Variants in KIAA0319L observed in about 807,000 individuals in gnomAD.
The protein encoded by KIAA0319L is KIAA0319 like.
In KIAA0319L, 55 loss-of-function variants were observed where a neutral mutation model predicts 120.1. The observed-to-expected ratio is 0.46, with a 90% confidence interval of 0.37 to 0.57. The LOEUF (loss-of-function observed/expected upper bound fraction) is 0.57. Ranked by LOEUF, KIAA0319L falls within the 20% of genes least tolerant of loss-of-function variation. The probability of loss-of-function intolerance (pLI) is 0.00; values close to 1 mark genes in which losing one functional copy is unlikely to be tolerated. For synonymous variants in KIAA0319L, 398 were observed against 471.9 expected (o/e 0.84, Z 2.03); for missense variants, 1,049 against 1,255.3 (o/e 0.84, Z 2.48).
At chr1:35,517,636 T>C (rs1296303747) in intron 2 of KIAA0319L, among the ~76,000 whole-genome samples, 1 of 151,996 alleles carries the variant, frequency 6.6e-6, no homozygotes, top group East Asian at 1.9e-4. Context: ...ACCTAGGCAA[T>C]ACCATCCTAG....
intron 2 of KIAA0319L, among the ~76,000 whole-genome samples, chr1:35,537,118 A>C (rs1232206144): frequency 6.6e-6 from 1 of 152,204 alleles, no homozygotes; most frequent in Non-Finnish European, 1.5e-5. Flanking sequence ...CCTATACATA[A>C]AAGTGGTTCT....
intron 2 of KIAA0319L, among the ~76,000 whole-genome samples, chr1:35,551,616 GC>G (rs1445620760): frequency 6.6e-6 from 1 of 152,050 alleles, no homozygotes; most frequent in Admixed American, 6.6e-5. Flanking sequence ...ACCGCGCCCA[GC>G]CCTATTTATT....
At chr1:35,545,964 T>A (rs1475220123) in intron 2 of KIAA0319L, among the ~76,000 whole-genome samples, 1 of 151,942 alleles carries the variant, frequency 6.6e-6, no homozygotes, top group Non-Finnish European at 1.5e-5. Context: ...TTCATGGTTA[T>A]AGGGAATAAA....
chr1:35,481,834 T>C (rs1455929070), intron 3 of KIAA0319L, among the ~76,000 whole-genome samples: 1 of 138,134 alleles, frequency 7.2e-6, no homozygotes, highest in African/African-American at 2.7e-5. Flanking sequence ...TTTTTTTTTT[T>C]TTTTTTTTGA....
chr1:35,551,149 A>G (rs1025867791), intron 2 of KIAA0319L, among the ~76,000 whole-genome samples: 1 of 152,160 alleles, frequency 6.6e-6, no homozygotes, highest in Non-Finnish European at 1.5e-5. Context: ...GGACAACCAC[A>G]TCACCCCTTG....
At chr1:35,536,601 C>T (rs187305140) in intron 2 of KIAA0319L, among the ~76,000 whole-genome samples, 71 of 152,358 alleles carry the variant, frequency 4.7e-4, no homozygotes, top group African/African-American at 1.6e-3. Context: ...GGAAACCACT[C>T]TATCACAATT....
intron 3 of KIAA0319L, among the ~76,000 whole-genome samples, chr1:35,499,201 C>G (rs1452418840): frequency 1.3e-5 from 2 of 152,340 alleles, no homozygotes; most frequent in Non-Finnish European, 2.9e-5. Context: ...AAATCCCCAT[C>G]AACTCTTGCT....
At chr1:35,556,431 G>C (rs1395004401) in intron 1 of KIAA0319L, 1 of 152,192 alleles carries the variant, frequency 6.6e-6, no homozygotes, top group Non-Finnish European at 1.5e-5. Context: ...TTTTTAAAAA[G>C]TCTCAGATAT....
In KIAA0319L at chr1:35,518,240, C is replaced by T. The variant is rs552812671; in HGVS notation, c.143-11105G>A. Among the ~76,000 whole-genome samples the T allele has an allele frequency of 8.7e-4, 133 of 152,278 alleles. No individual in the cohort carries two copies. In the Middle Eastern group the frequency reaches 0.02, roughly 23 times the overall value. On this transcript the variant is annotated intron_variant, in intron 2 of 20. Transcript: ENST00000325722. ...GGTATATACCCAGAGGGAAATAAAT[C>T]ATTCTACCATAAGACACATGCATGT...
intron 2 of KIAA0319L, among the ~76,000 whole-genome samples, chr1:35,543,851 A>C (rs1372077531): frequency 2.0e-5 from 3 of 152,238 alleles, no homozygotes; most frequent in Non-Finnish European, 4.4e-5. Flanking sequence ...GTTTGGGAAT[A>C]ATTAAAATAC....
At position 35,434,524 on chromosome 1, in the gene KIAA0319L, G is replaced by A. The variant is rs1364350610; in HGVS notation, c.*370C>T. On this transcript the variant is annotated 3_prime_UTR_variant, in exon 21 of 21. Coordinates refer to ENST00000325722, the MANE Select transcript of KIAA0319L (RefSeq NM_024874.5). ...TGCTTGGTTTTGCACTCAGGTGTGC[G>A]GGCAGCACAGCAGGCCTCACCTTGC... is the stretch of plus-strand genomic sequence containing the variant. 9 of 199,198 alleles carry A rather than the reference G, an allele frequency of 4.5e-5. No homozygotes were observed. The highest frequency in any genetic ancestry group is 2.6e-4 in the South Asian group (2 of 7,696). 12.3% of individuals were successfully genotyped at this position (199,198 alleles called of 1,614,324 possible).
intron 4 of KIAA0319L, among the ~76,000 whole-genome samples, chr1:35,476,114 T>C (rs1643890546): frequency 1.3e-5 from 2 of 152,364 alleles, no homozygotes; most frequent in African/African-American, 4.8e-5. Context: ...CAAAGAGCTA[T>C]ATACTGTCTT....
intron 20 of KIAA0319L, chr1:35,439,764 C>G (rs1558256461): frequency 6.6e-6 from 1 of 152,138 alleles, no homozygotes; most frequent in African/African-American, 2.4e-5. Flanking sequence ...CCACTGCACT[C>G]CAGCCTGGGT....
intron 15 of KIAA0319L, 131 bp downstream of exon 15, chr1:35,449,736 G>A (rs772371925): frequency 1.7e-5 from 16 of 966,410 alleles, no homozygotes; most frequent in African/African-American, 3.3e-5. Context: ...TCAGCTTGGG[G>A]TTTCTCGATT....
At chr1:35,483,003 A>G (rs1644236972) in intron 3 of KIAA0319L, among the ~76,000 whole-genome samples, 1 of 152,192 alleles carries the variant, frequency 6.6e-6, no homozygotes, top group Non-Finnish European at 1.5e-5. Context: ...GATTAGCGAC[A>G]TTGAACATCT....
intron 5 of KIAA0319L, among the ~76,000 whole-genome samples, chr1:35,473,934 T>A (rs919939905): frequency 5.9e-5 from 9 of 152,220 alleles, no homozygotes; most frequent in Non-Finnish European, 8.8e-5. Flanking sequence ...AGAACCCATA[T>A]GTGTTTGTAA....
chr1:35,486,905 A>C (rs1460449436), intron 3 of KIAA0319L, among the ~76,000 whole-genome samples: 1 of 152,018 alleles, frequency 6.6e-6, no homozygotes, highest in Non-Finnish European at 1.5e-5. Flanking sequence ...AATGAGACCC[A>C]AAAAAACAAA....
Position 35,456,095 on chromosome 1 carries a change from T to A in KIAA0319L, c.1574A>T (p.Asn525Ile). ...GATGCCATGATCATCAGTGCTCTGG[T>A]TCCCAAAGAGGGTGATGGAGTTTTG... ...LPQNSITLFG[N>I]QSTDDHGITS... Residue 525 changes from asparagine (N) to isoleucine (I), a missense_variant, in exon 10 of 21, where the codon AAC becomes ATC. Asn to Ile is a moderately radical substitution (Grantham distance 149). Coordinates refer to ENST00000325722, the MANE Select transcript of KIAA0319L (RefSeq NM_024874.5). 6.2e-7 allele frequency: 1 copy of A among 1,614,108 alleles called. No homozygotes were observed. The highest frequency in any genetic ancestry group is 8.5e-7 in the Non-Finnish European group (1 of 1,180,014).
chr1:35,533,129 C>T (rs1646436945), intron 2 of KIAA0319L: 1 of 152,194 alleles, frequency 6.6e-6, no homozygotes, highest in South Asian at 2.1e-4. Context: ...CTGTGAACAA[C>T]TCTGGAAATA....
Sources: allele counts gnomAD v4.1 joint callset (sites outside exome capture counted in the v4.1 genomes callset), GRCh38; gene constraint gnomAD v4.1.1; transcripts MANE v1.5; gene names NCBI Gene and HGNC (gene_info 2026-07-23, HGNC 2026-07-21).